ADARB2: variants seen among roughly 807,000 people sequenced by gnomAD.
ADARB2 encodes the protein inactive double-stranded RNA-specific editase B2.
A neutral mutation model predicts 62.2 loss-of-function variants in ADARB2; 25 were observed. The ratio of observed to expected loss-of-function variants is 0.40; its 90% CI spans 0.29 to 0.56. ADARB2 has a LOEUF of 0.56. Among genes scored for constraint, ADARB2 ranks in the 20% least tolerant of loss-of-function variants. The pLI, the probability that ADARB2 is intolerant of heterozygous loss-of-function variation, is 0.43. For missense variants in ADARB2, 1,071 were observed against 1,077.4 expected (o/e 0.99, Z 0.08); for synonymous variants, 572 against 500.8 (o/e 1.14, Z -1.90).
intron 1 of ADARB2, among the ~76,000 whole-genome samples, chr10:1,594,779 T>C (rs1833308340): frequency 6.6e-6 from 1 of 152,222 alleles, no homozygotes; most frequent in Admixed American, 6.5e-5. Context: ...GCCAGTGGCA[T>C]GATATCAGGT....
At chr10:1,446,063 G>A (rs1395308800) in intron 1 of ADARB2, among the ~76,000 whole-genome samples, 1 of 34,658 alleles carries the variant, frequency 2.9e-5, no homozygotes, top group Admixed American at 4.4e-4. Flanking sequence ...AGGAATGGAA[G>A]GGAGGGGGTG....
intron 3 of ADARB2, among the ~76,000 whole-genome samples, chr10:1,335,559 G>A (rs1366925670): frequency 6.6e-6 from 1 of 151,858 alleles, no homozygotes; most frequent in Non-Finnish European, 1.5e-5. Flanking sequence ...GGAGAGAGGG[G>A]TGGAAAGATG....
chr10:1,446,071 G>A (rs1266378979), intron 1 of ADARB2, among the ~76,000 whole-genome samples: 9 of 138,906 alleles, frequency 6.5e-5, no homozygotes, highest in African/African-American at 2.4e-4. Context: ...AAGGGAGGGG[G>A]TGAAGGAAAC....
At chr10:1,420,418 G>T (rs1832841903) in intron 1 of ADARB2, among the ~76,000 whole-genome samples, 1 of 152,138 alleles carries the variant, frequency 6.6e-6, no homozygotes, top group African/African-American at 2.4e-5. Context: ...CCAGTGGTTG[G>T]CTGTATTCAT....
rs116814367 is a variant in ADARB2, at chr10:1,626,048, C to T, written c.100+111003G>A. ...ATGGACACAGGCCTCCACTGGACCT[C>T]GGACACTAACCCCACATCTGCCCAC... On this transcript the variant is annotated intron_variant, in intron 1 of 9. Transcript: ENST00000381312. Among the ~76,000 whole-genome samples, 512 of 145,918 alleles carry T rather than the reference C, an allele frequency of 3.5e-3. 5 individuals are homozygous for T. Among genetic ancestry groups the T allele is most frequent in the African/African-American group, 0.013 (498 of 39,008 alleles).
chr10:1,465,167 C>A (rs891548049), intron 1 of ADARB2, among the ~76,000 whole-genome samples: 7 of 152,176 alleles, frequency 4.6e-5, no homozygotes, highest in African/African-American at 1.7e-4. Context: ...GTGTCCTTCT[C>A]AAAATGGCAA....
intron 3 of ADARB2, among the ~76,000 whole-genome samples, chr10:1,275,355 C>A (rs891741832): frequency 6.6e-6 from 1 of 152,128 alleles, no homozygotes; most frequent in East Asian, 1.9e-4. Context: ...GTGGGAGGTG[C>A]AGCTGACAGC....
chr10:1,693,105 C>T (rs1279285696), intron 1 of ADARB2, among the ~76,000 whole-genome samples: 1 of 152,222 alleles, frequency 6.6e-6, no homozygotes, highest in Non-Finnish European at 1.5e-5. Flanking sequence ...CGTGAGCCAA[C>T]TCCCTCAGGT....
intron 7 of ADARB2, among the ~76,000 whole-genome samples, chr10:1,212,548 C>T (rs898666141): frequency 1.5e-4 from 23 of 152,356 alleles, no homozygotes; most frequent in African/African-American, 5.5e-4. Flanking sequence ...CCTCCTCCCC[C>T]TCCTGCTAAA....
At chr10:1,677,768 G>A (rs1241255044) in intron 1 of ADARB2, among the ~76,000 whole-genome samples, 2 of 152,154 alleles carry the variant, frequency 1.3e-5, no homozygotes, top group South Asian at 4.1e-4. Flanking sequence ...TGCCCTGGTC[G>A]CAACACACAC....
At chr10:1,396,009 T>C (rs1564278662) in intron 1 of ADARB2, among the ~76,000 whole-genome samples, 1 of 152,210 alleles carries the variant, frequency 6.6e-6, no homozygotes, top group Admixed American at 6.5e-5. Flanking sequence ...TCTGAGTCCA[T>C]GTTTCTTCAG....
intron 1 of ADARB2, among the ~76,000 whole-genome samples, chr10:1,658,749 A>G (rs1203253204): frequency 1.3e-5 from 2 of 152,262 alleles, no homozygotes; most frequent in African/African-American, 4.8e-5. Flanking sequence ...TAGGTCGTCA[A>G]GACTTTGAAG....
chr10:1,410,399 A>G (rs1261852532), intron 1 of ADARB2, among the ~76,000 whole-genome samples: 7 of 152,220 alleles, frequency 4.6e-5, no homozygotes, highest in African/African-American at 1.7e-4. Flanking sequence ...GCACAGTATC[A>G]GGGATGGAAA....
chr10:1,263,308 C>T (rs916965557), intron 4 of ADARB2, among the ~76,000 whole-genome samples: 9 of 152,134 alleles, frequency 5.9e-5, no homozygotes, highest in Non-Finnish European at 1.2e-4. Flanking sequence ...AATATTTTAG[C>T]TTGTTGAATA....
intron 4 of ADARB2, among the ~76,000 whole-genome samples, chr10:1,269,706 T>C (rs1831240456): frequency 2.0e-5 from 3 of 152,158 alleles, no homozygotes; most frequent in Admixed American, 2.0e-4. Flanking sequence ...TGCTGTACCC[T>C]GAGTGGGGGC....
At chr10:1,476,657 C>T (rs752261252) in intron 1 of ADARB2, among the ~76,000 whole-genome samples, 3 of 152,190 alleles carry the variant, frequency 2.0e-5, no homozygotes, top group Non-Finnish European at 4.4e-5. Context: ...ATCTGACCGC[C>T]GTTTCCATGG....
At chr10:1,341,692 C>T (rs545170154) in intron 3 of ADARB2, among the ~76,000 whole-genome samples, 4 of 151,342 alleles carry the variant, frequency 2.6e-5, no homozygotes, top group African/African-American at 7.3e-5. Context: ...TGCCCCACAG[C>T]GGGGATAACC....
intron 1 of ADARB2, among the ~76,000 whole-genome samples, chr10:1,450,361 T>A (rs1207955469): frequency 6.6e-6 from 1 of 152,238 alleles, no homozygotes; most frequent in African/African-American, 2.4e-5. Flanking sequence ...GGGTGCTTTT[T>A]CTTTAGCCGC....
At chr10:1,190,053 T>C (rs986833354) in intron 8 of ADARB2, among the ~76,000 whole-genome samples, 4 of 152,088 alleles carry the variant, frequency 2.6e-5, no homozygotes, top group African/African-American at 7.3e-5. Flanking sequence ...GGACAGAGCC[T>C]GTGTCGTCTG....
Sources: gnomAD v4.1 joint callset for allele counts (sites outside exome capture counted in the v4.1 genomes callset) on GRCh38, gnomAD v4.1.1 for gene constraint, MANE v1.5 for transcripts, NCBI Gene and HGNC (gene_info 2026-07-23, HGNC 2026-07-21) for gene names.